Variants in TLN2 observed in about 807,000 individuals in gnomAD.
TLN2 encodes the protein talin 2, also known as talin-2.
A neutral mutation model predicts 294.7 loss-of-function variants in TLN2; 118 were observed. That is an observed-to-expected ratio of 0.40 (90% CI 0.34 to 0.47). The LOEUF (loss-of-function observed/expected upper bound fraction) is 0.47, where lower values mean the gene tolerates loss of function less well. Ranked by LOEUF, TLN2 falls within the 20% of genes least tolerant of loss-of-function variation. The probability of loss-of-function intolerance (pLI) is 0.84; values close to 1 mark genes in which losing one functional copy is unlikely to be tolerated. For missense variants in TLN2, 3,083 were observed against 3,282.2 expected, an observed-to-expected ratio of 0.94 and a Z score of 1.48; for synonymous variants, 1,431 against 1,304.5, an observed-to-expected ratio of 1.10 and a Z score of -2.09.
chr15:62,623,659 A>G (rs905508636), intron 3 of TLN2, among the ~76,000 whole-genome samples: 1 of 152,168 alleles, frequency 6.6e-6, no homozygotes, highest in African/African-American at 2.4e-5. Flanking sequence ...TTTGCCCAAA[A>G]CTCAAAACAT....
At chr15:62,731,988 A>C (rs558644449) in intron 28 of TLN2, among the ~76,000 whole-genome samples, 1 of 152,322 alleles carries the variant, frequency 6.6e-6, no homozygotes, top group African/African-American at 2.4e-5. Flanking sequence ...TACCTGCAAT[A>C]ATAAGAATGC....
intron 1 of TLN2, among the ~76,000 whole-genome samples, chr15:62,486,768 T>A (rs2140397613): frequency 6.6e-6 from 1 of 152,164 alleles, no homozygotes; most frequent in South Asian, 2.1e-4. Context: ...ATCAGGAGTT[T>A]AAAGAGGGCA....
rs1301636434 is a variant in TLN2 at position 62,422,150 on chromosome 15, CT to C, written c.-238+31467del. On this transcript the variant is annotated intron_variant, in intron 1 of 58. Transcript: ENST00000636159. ...TGGCACATGTCTGTAATCTCTGCTA[CT>C]TGGGAGGCTGAGGCAGGAGAATCAG... Among the ~76,000 whole-genome samples the C allele has an allele frequency of 7.6e-4, 109 of 143,736 alleles. 1 individual carries two copies. Among genetic ancestry groups the C allele is most frequent in the African/African-American group, 2.6e-3 (100 of 38,284 alleles). 94.3% of individuals were successfully genotyped at this position (143,736 alleles called of 152,430 possible). A position where few individuals can be genotyped will look rare whatever the true frequency, so the allele number is the denominator to read the frequency against.
At chr15:62,502,740 C>T (rs1028220322) in intron 1 of TLN2, among the ~76,000 whole-genome samples, 2 of 152,178 alleles carry the variant, frequency 1.3e-5, no homozygotes, top group African/African-American at 2.4e-5. Flanking sequence ...TGAAAACACA[C>T]AGGCAGGTTA....
In TLN2 at chr15:62,833,681, G is replaced by A. The variant is rs768579721; in HGVS notation, c.7128+52G>A. The A allele has an allele frequency of 2.5e-6, 4 of 1,583,034 alleles. No homozygotes were observed. The African/African-American group carries it at 4.1e-5, about 16-fold the overall frequency. On this transcript the variant is annotated intron_variant, in intron 55 of 58. Transcript: ENST00000636159. The stretch of plus-strand genomic sequence containing the variant: ...GGACACTCAACGTACGAGAGCCTCA[G>A]GGGGCCCAGGAAAAGAGCTACAAGC...
intron 32 of TLN2, among the ~76,000 whole-genome samples, chr15:62,744,625 C>T (rs893239275): frequency 1.3e-5 from 2 of 152,074 alleles, no homozygotes; most frequent in African/African-American, 2.4e-5. Flanking sequence ...CGGCTCACTG[C>T]AGCCTCCACC....
At chr15:62,640,308 C>T (rs1365505104) in intron 3 of TLN2, 2 of 455,968 alleles carry the variant, frequency 4.4e-6, no homozygotes, top group Middle Eastern at 3.3e-4. Flanking sequence ...CAAGTACAGC[C>T]ATCCAAAATT....
intron 1 of TLN2, among the ~76,000 whole-genome samples, chr15:62,565,499 C>G (rs565487268): frequency 3.3e-5 from 5 of 152,150 alleles, no homozygotes; most frequent in African/African-American, 9.7e-5. Flanking sequence ...CATACCACTT[C>G]GTAATTAAGT....
At chr15:62,624,465 T>C (rs1225735484) in intron 3 of TLN2, among the ~76,000 whole-genome samples, 1 of 152,188 alleles carries the variant, frequency 6.6e-6, no homozygotes, top group Non-Finnish European at 1.5e-5. Flanking sequence ...TCATAGGTGA[T>C]AGGACGCATG....
chr15:62,562,195 T>C (rs1439677520), intron 1 of TLN2, among the ~76,000 whole-genome samples: 1 of 152,250 alleles, frequency 6.6e-6, no homozygotes, highest in African/African-American at 2.4e-5. Flanking sequence ...GATGTATTTC[T>C]ATTATAGCCC....
intron 34 of TLN2, among the ~76,000 whole-genome samples, chr15:62,751,266 C>T (rs1012488068): frequency 6.6e-5 from 10 of 152,174 alleles, no homozygotes; most frequent in African/African-American, 9.7e-5. Flanking sequence ...CGAGCTGTTG[C>T]AATCTGGCTT....
In TLN2 at chr15:62,833,551, T is replaced by C. The variant is rs2069106043; in HGVS notation, c.7050T>C (p.Ala2350=). The C allele has an allele frequency of 6.2e-7, 1 of 1,614,166 alleles. No individual in the cohort carries two copies. Among genetic ancestry groups the C allele is most frequent in the Non-Finnish European group, 8.5e-7 (1 of 1,180,024 alleles). The change falls in exon 55 of 59, where the codon GCT becomes GCC. Residue 2350 remains alanine, a synonymous_variant. Coordinates refer to ENST00000636159, the MANE Select transcript of TLN2 (RefSeq NM_015059.3). ...LDFEEQILEA[A]KSIAAATSAL... ...TTGAGGAACAGATCTTGGAAGCTGC[T>C]AAATCCATTGCTGCTGCCACAAGCG...
At chr15:62,800,077 G>C (rs564236014) in intron 48 of TLN2, among the ~76,000 whole-genome samples, 98 of 152,306 alleles carry the variant, frequency 6.4e-4, no homozygotes, top group African/African-American at 2.2e-3. Context: ...TGCTGTCAGA[G>C]GCAGCTCATC....
intron 33 of TLN2, among the ~76,000 whole-genome samples, chr15:62,749,719 T>A (rs1472142796): frequency 6.6e-6 from 1 of 152,174 alleles, no homozygotes; most frequent in Non-Finnish European, 1.5e-5. Flanking sequence ...GGAGGTTAAA[T>A]GGCTGCATCC....
intron 3 of TLN2, among the ~76,000 whole-genome samples, chr15:62,636,039 C>T (rs1317819478): frequency 6.6e-6 from 1 of 152,082 alleles, no homozygotes; most frequent in African/African-American, 2.4e-5. Context: ...GGATTCAGTG[C>T]CTTAACATAA....
At chr15:62,563,102 T>A (rs144053557) in intron 1 of TLN2, among the ~76,000 whole-genome samples, 1 of 152,258 alleles carries the variant, frequency 6.6e-6, no homozygotes, top group African/African-American at 2.4e-5. Flanking sequence ...TTCCTCTGAG[T>A]AGATACCCAG....
intron 2 of TLN2, among the ~76,000 whole-genome samples, chr15:62,612,623 C>G (rs2048004704): frequency 6.6e-6 from 1 of 152,054 alleles, no homozygotes; most frequent in Non-Finnish European, 1.5e-5. Flanking sequence ...GGATAATGAG[C>G]CTGCTTGTTC....
chr15:62,681,237 A>G (rs1035329252), intron 11 of TLN2, among the ~76,000 whole-genome samples: 9 of 152,236 alleles, frequency 5.9e-5, no homozygotes, highest in Admixed American at 1.3e-4. Flanking sequence ...CCCTAAACTG[A>G]ACATTGCATT....
At chr15:62,431,485 C>T (rs539278741) in intron 1 of TLN2, among the ~76,000 whole-genome samples, 12 of 152,088 alleles carry the variant, frequency 7.9e-5, no homozygotes, top group South Asian at 2.1e-4. Context: ...TGTCATATCC[C>T]GAAGTCACCG....
Sources: allele counts gnomAD v4.1 joint callset (sites outside exome capture counted in the v4.1 genomes callset), GRCh38; gene constraint gnomAD v4.1.1; transcripts MANE v1.5; gene names NCBI Gene and HGNC (gene_info 2026-07-23, HGNC 2026-07-21).